ATOH8: variants seen among roughly 807,000 people sequenced by gnomAD.
The protein encoded by ATOH8 is transcription factor ATOH8.
In ATOH8, 9 loss-of-function variants were observed where a neutral mutation model predicts 21.2. The ratio of observed to expected loss-of-function variants is 0.42; its 90% confidence interval spans 0.26 to 0.74. ATOH8 has a LOEUF of 0.74. Ranked by LOEUF, ATOH8 falls within the 30% of genes least tolerant of loss-of-function variation. The pLI is 0.24. For missense variants in ATOH8, 524 were observed against 470.9 expected (o/e 1.11, Z -1.04); for synonymous variants, 253 against 224.0 (o/e 1.13, Z -1.16).
At chr2:85,764,248 G>T in intron 2 of ATOH8, 66 bp downstream of exon 2, 6 of 1,586,956 alleles carry the variant, frequency 3.8e-6, no homozygotes, top group Non-Finnish European at 5.2e-6. Context: ...AGGAACTTGG[G>T]GGTGCCCTGC....
intron 2 of ATOH8, 39 bp from the exon 3 acceptor site, chr2:85,786,846 G>T: frequency 6.2e-7 from 1 of 1,613,650 alleles, no homozygotes; most frequent in African/African-American, 1.3e-5. Context: ...GAACCAGGTG[G>T]AGCAGGGGCA....
chr2:85,764,230 G>A, intron 2 of ATOH8, 48 bp downstream of exon 2: 1 of 1,603,460 alleles, frequency 6.2e-7, no homozygotes, highest in Non-Finnish European at 8.5e-7. Context: ...CATAGGGGAG[G>A]CAGGGACAGG....
chr2:85,774,183 C>A, intron 2 of ATOH8: 1 of 985,478 alleles, frequency 1.0e-6, no homozygotes. Flanking sequence ...CAAGGAGGAC[C>A]CGAGGAAGGA....
At chr2:85,777,867 G>A (rs1177609661) in intron 2 of ATOH8, among the ~76,000 whole-genome samples, 4 of 152,208 alleles carry the variant, frequency 2.6e-5, no homozygotes, top group African/African-American at 7.2e-5. Flanking sequence ...GAGGTAAGGC[G>A]GTGTTTTCAG....
At chr2:85,767,302 G>A (rs1426035135) in intron 2 of ATOH8, among the ~76,000 whole-genome samples, 3 of 152,020 alleles carry the variant, frequency 2.0e-5, no homozygotes, top group Admixed American at 6.5e-5. Flanking sequence ...TAGATTGCAC[G>A]TGGTTATGAG....
intron 2 of ATOH8, chr2:85,772,822 C>T (rs1233070982): frequency 1.1e-5 from 5 of 455,508 alleles, no homozygotes; most frequent in Admixed American, 2.4e-5. Context: ...ATTTTTTTCC[C>T]GTTTTCTTTT....
In ATOH8 at chr2:85,785,569, C is replaced by G. The variant is rs566232946; in HGVS notation, c.961-1316C>G. On this transcript the variant is annotated intron_variant, in intron 2 of 2. Transcript: ENST00000306279. This position sits in a 1 kb window ranked among gnomAD's most constrained non-coding sequence, Gnocchi z 4.1. Reference sequence around the variant, plus strand: ...GGCTGCCCCGGCCCACGGGGCTCACCAGGGCCTGTGGTTAGCAGGCCCTCC... The same window carrying G: ...GGCTGCCCCGGCCCACGGGGCTCACGAGGGCCTGTGGTTAGCAGGCCCTCC... Among the ~76,000 whole-genome samples, 2 of 152,354 alleles carry G rather than the reference C, an allele frequency of 1.3e-5. No homozygotes were observed. Among genetic ancestry groups the G allele is most frequent in the South Asian group, 4.1e-4 (2 of 4,828 alleles).
At chr2:85,783,367 C>T (rs1229311919) in intron 2 of ATOH8, among the ~76,000 whole-genome samples, 2 of 152,102 alleles carry the variant, frequency 1.3e-5, no homozygotes, top group South Asian at 4.2e-4. Flanking sequence ...GTTGGAAGTT[C>T]AAGACCAGCC....
In ATOH8 at chr2:85,790,924, A is replaced by G. The variant is rs965417084; in HGVS notation, c.*4034A>G. Among the ~76,000 whole-genome samples the G allele has an allele frequency of 6.6e-6, 1 of 152,216 alleles. No individual in the cohort carries two copies. The highest frequency in any genetic ancestry group is 6.5e-5 in the Admixed American group (1 of 15,284). On this transcript the variant is annotated 3_prime_UTR_variant, in exon 3 of 3. Coordinates refer to ENST00000306279, the MANE Select transcript of ATOH8 (RefSeq NM_032827.7). ...ATTGCCAGCATCCCAGGCAACAAAC[A>G]GCAAGACTCAGACATCTCCAAGGAA... is the stretch of plus-strand genomic sequence containing the variant.
At chr2:85,773,517 C>CA (rs953480799) in intron 2 of ATOH8, 1 of 153,026 alleles carries the variant, frequency 6.5e-6, no homozygotes, top group Admixed American at 6.5e-5. Flanking sequence ...TGCCATGTGT[C>CA]AGACAGTGGT....
intron 1 of ATOH8, among the ~76,000 whole-genome samples, chr2:85,757,935 A>G (rs7564345): frequency 0.9 from 136,289 of 151,838 alleles, 61,343 homozygotes; most frequent in African/African-American, 0.96. Context: ...ACAGGTGCGC[A>G]CCACCACACC....
chr2:85,776,297 C>T (rs1680321120), intron 2 of ATOH8, among the ~76,000 whole-genome samples: 1 of 152,242 alleles, frequency 6.6e-6, no homozygotes, highest in Admixed American at 6.5e-5. Context: ...GGCTTGGAGG[C>T]ATGGTCTGAG....
chr2:85,771,098 G>C (rs1161156863), intron 2 of ATOH8, among the ~76,000 whole-genome samples: 1 of 152,120 alleles, frequency 6.6e-6, no homozygotes, highest in East Asian at 1.9e-4. Flanking sequence ...GTAGGGTGGG[G>C]GCTAACCCCA....
At chr2:85,775,272 A>C in intron 2 of ATOH8, 1 of 985,170 alleles carries the variant, frequency 1.0e-6, no homozygotes, top group Non-Finnish European at 1.2e-6. Flanking sequence ...CCCCCAAATA[A>C]TGACACACCA....
chr2:85,777,921 C>T (rs1680372890), intron 2 of ATOH8, among the ~76,000 whole-genome samples: 1 of 152,224 alleles, frequency 6.6e-6, no homozygotes, highest in South Asian at 2.1e-4. Context: ...TGTGCCCATA[C>T]AGAGGGAGGC....
chr2:85,781,961 C>G (rs1213715618), intron 2 of ATOH8, among the ~76,000 whole-genome samples: 1 of 152,006 alleles, frequency 6.6e-6, no homozygotes. Context: ...TGCTCAGGGC[C>G]CCCCAGCTGA....
intron 1 of ATOH8, among the ~76,000 whole-genome samples, chr2:85,762,974 G>A (rs1443766574): frequency 6.6e-6 from 1 of 152,092 alleles, no homozygotes; most frequent in Non-Finnish European, 1.5e-5. Flanking sequence ...GATGCATCGT[G>A]CCGTCCCACC....
chr2:85,779,694 T>A (rs1164848810), intron 2 of ATOH8, among the ~76,000 whole-genome samples: 1 of 152,220 alleles, frequency 6.6e-6, no homozygotes, highest in Admixed American at 6.5e-5. Context: ...CCCTGCTGCA[T>A]CCTAGCAATG....
At chr2:85,759,554 C>T (rs1679806691) in intron 1 of ATOH8, among the ~76,000 whole-genome samples, 1 of 152,168 alleles carries the variant, frequency 6.6e-6, no homozygotes, top group Non-Finnish European at 1.5e-5. Context: ...CTCTTAACCA[C>T]CAAGACCCAG....
Sources: allele counts gnomAD v4.1 joint callset (sites outside exome capture counted in the v4.1 genomes callset), GRCh38; gene constraint gnomAD v4.1.1; non-coding constraint Gnocchi (gnomAD v3.1); transcripts MANE v1.5; gene names NCBI Gene and HGNC (gene_info 2026-07-23, HGNC 2026-07-21).